Variants in PCDHA13 observed in about 807,000 individuals in gnomAD.
PCDHA13 encodes protocadherin alpha 13, also known as protocadherin alpha-13.
Under a neutral mutation model 64.8 loss-of-function variants are expected in PCDHA13, and 54 were observed. That is an observed-to-expected ratio of 0.83 (90% CI 0.67 to 1.04). The LOEUF (loss-of-function observed/expected upper bound fraction) is 1.04. PCDHA13 is among the 50% of genes least tolerant of loss of function. The pLI is 0.00. For synonymous variants in PCDHA13, 587 were observed against 564.4 expected, an observed-to-expected ratio of 1.04 and a Z score of -0.57; for missense variants, 1,248 against 1,254.3, an observed-to-expected ratio of 0.99 and a Z score of 0.08.
chr5:141,006,338 A>G (rs1201287903), intron 3 of PCDHA13, among the ~76,000 whole-genome samples: 13 of 151,820 alleles, frequency 8.6e-5, no homozygotes, highest in African/African-American at 3.1e-4. Flanking sequence ...CAGCCTCCTG[A>G]GTAGCTGGGA....
intron 3 of PCDHA13, among the ~76,000 whole-genome samples, chr5:140,988,745 G>A (rs943188955): frequency 3.9e-5 from 6 of 152,152 alleles, no homozygotes; most frequent in Non-Finnish European, 5.9e-5. Flanking sequence ...TCTAGGATTG[G>A]TGGCCTGGGC....
At chr5:140,956,933 A>G (rs1243678543) in intron 1 of PCDHA13, among the ~76,000 whole-genome samples, 1 of 151,594 alleles carries the variant, frequency 6.6e-6, no homozygotes, top group Non-Finnish European at 1.5e-5. Flanking sequence ...TGGATATAGG[A>G]TAAAATTTAC....
intron 1 of PCDHA13, among the ~76,000 whole-genome samples, chr5:140,957,730 T>G (rs1044691694): frequency 6.6e-6 from 1 of 152,144 alleles, no homozygotes; most frequent in Non-Finnish European, 1.5e-5. Flanking sequence ...AGCAGAATTA[T>G]ATATACTGAC....
At chr5:140,946,591 AATAG>A (rs1237639683) in intron 1 of PCDHA13, among the ~76,000 whole-genome samples, 7 of 119,490 alleles carry the variant, frequency 5.9e-5, no homozygotes, top group African/African-American at 2.9e-4. Flanking sequence ...ATAGTGGATG[AATAG>A]ATAAAGAAAA....
chr5:140,957,555 A>G (rs911734380), intron 1 of PCDHA13, among the ~76,000 whole-genome samples: 4 of 152,120 alleles, frequency 2.6e-5, no homozygotes, highest in Admixed American at 2.6e-4. Flanking sequence ...TTCTCTGTGG[A>G]AAAGGAGGGA....
At chr5:140,907,913 C>T (rs2073688326) in intron 1 of PCDHA13, among the ~76,000 whole-genome samples, 1 of 152,234 alleles carries the variant, frequency 6.6e-6, no homozygotes, top group Non-Finnish European at 1.5e-5. Context: ...TTTTTGACCA[C>T]TCAGAGAGGT....
chr5:140,909,011 T>G (rs998704146), intron 1 of PCDHA13, among the ~76,000 whole-genome samples: 1 of 152,170 alleles, frequency 6.6e-6, no homozygotes, highest in Non-Finnish European at 1.5e-5. Flanking sequence ...AGGTAGAAGG[T>G]TCCTGAATTT....
intron 1 of PCDHA13, chr5:140,928,175 G>A (rs782432136): frequency 6.8e-6 from 11 of 1,614,032 alleles, no homozygotes; most frequent in African/African-American, 1.3e-5. Flanking sequence ...CTTAGCACCC[G>A]AAGGACAATC....
At chr5:140,916,377 C>T (rs1436518298) in intron 1 of PCDHA13, among the ~76,000 whole-genome samples, 4 of 152,092 alleles carry the variant, frequency 2.6e-5, no homozygotes, top group African/African-American at 9.7e-5. Flanking sequence ...CTGTAGCCAC[C>T]ACAACTAGGA....
chr5:140,954,290 G>T (rs2095014659), intron 1 of PCDHA13, among the ~76,000 whole-genome samples: 1 of 152,126 alleles, frequency 6.6e-6, no homozygotes, highest in Non-Finnish European at 1.5e-5. Flanking sequence ...ATTCCTTTGG[G>T]TACATACCCA....
At chr5:140,981,191 G>A (rs2096922052) in intron 2 of PCDHA13, among the ~76,000 whole-genome samples, 2 of 152,178 alleles carry the variant, frequency 1.3e-5, no homozygotes, top group South Asian at 4.1e-4. Context: ...AAGTTTGCCT[G>A]CTCTGTTGCC....
intron 1 of PCDHA13, chr5:140,928,117 A>G (rs781867812): frequency 1.1e-5 from 18 of 1,614,208 alleles, no homozygotes; most frequent in Non-Finnish European, 1.5e-5. Context: ...GGAGCAGATC[A>G]GTGAATACCA....
At chr5:140,890,313 G>T (rs1191082730) in intron 1 of PCDHA13, among the ~76,000 whole-genome samples, 2 of 152,112 alleles carry the variant, frequency 1.3e-5, no homozygotes, top group South Asian at 2.1e-4. Context: ...ATATTAAGTT[G>T]TTTTAAGATA....
rs1478776734 is a variant in PCDHA13 at position 141,010,917 on chromosome 5, A to G, written c.*980A>G. ...TACAATTCCCCTAAACTCTCCTCAA[A>G]AGAGAATTCAGTCTACAGCCATTTA... On this transcript the variant is annotated 3_prime_UTR_variant, in exon 4 of 4. Coordinates refer to ENST00000289272, the MANE Select transcript of PCDHA13 (RefSeq NM_018904.3). The G allele has an allele frequency of 6.5e-6, 1 of 153,776 alleles. No homozygotes were observed. The highest frequency in any genetic ancestry group is 1.5e-5 in the Non-Finnish European group (1 of 68,048). The allele number at this position is 153,776 out of a possible 1,614,324, so 9.5% of individuals were successfully genotyped here.
rs1554231789 is a variant in PCDHA13 at position 140,969,430 on chromosome 5, A to G, written c.2395-9519A>G. ...CTTTATTGAGTCATTAACAGTGACAAGAGTTATCTGGTAAACTGAGTATAT... is the reference window on the plus strand; with the variant it reads ...CTTTATTGAGTCATTAACAGTGACAGGAGTTATCTGGTAAACTGAGTATAT... On this transcript the variant is annotated intron_variant, in intron 1 of 3. Transcript: ENST00000289272. The G allele has an allele frequency of 1.2e-5, 19 of 1,554,588 alleles. 1 individual carries two copies. The Admixed American group carries it at 3.5e-4, about 29-fold the overall frequency.
chr5:140,982,689 T>A, intron 3 of PCDHA13, 126 bp downstream of exon 3: 1 of 1,413,688 alleles, frequency 7.1e-7, no homozygotes, highest in Non-Finnish European at 9.3e-7. Context: ...CTTTTTTCCA[T>A]ACATACATGA....
intron 1 of PCDHA13, among the ~76,000 whole-genome samples, chr5:140,949,015 T>A (rs1004348581): frequency 7.9e-5 from 12 of 151,734 alleles, no homozygotes; most frequent in Non-Finnish European, 1.2e-4. Context: ...ATATGTGATG[T>A]TTTTATTTTT....
chr5:140,975,890 T>C (rs542825387), intron 1 of PCDHA13, among the ~76,000 whole-genome samples: 1 of 152,310 alleles, frequency 6.6e-6, no homozygotes, highest in South Asian at 2.1e-4. Flanking sequence ...TTTCCACATA[T>C]GGAGTTTTGT....
chr5:140,917,948 A>AT (rs1443419626), intron 1 of PCDHA13, among the ~76,000 whole-genome samples: 16 of 151,986 alleles, frequency 1.1e-4, no homozygotes, highest in African/African-American at 3.9e-4. Flanking sequence ...TGGTAGTTTG[A>AT]TAGGAACATC....
Sources: allele counts gnomAD v4.1 joint callset (sites outside exome capture counted in the v4.1 genomes callset), GRCh38; gene constraint gnomAD v4.1.1; transcripts MANE v1.5; gene names NCBI Gene and HGNC (gene_info 2026-07-23, HGNC 2026-07-21).